DNAH9: variants seen among roughly 807,000 people sequenced by gnomAD.
DNAH9 encodes the protein DNAH9 variant protein.
DNAH9 carries 345 observed loss-of-function variants against 471.6 expected under a neutral mutation model. That is an observed-to-expected ratio of 0.73 (90% CI 0.67 to 0.80). DNAH9 has a LOEUF of 0.80. Ranked by LOEUF, DNAH9 falls within the 30% of genes least tolerant of loss-of-function variation. The pLI, the probability that DNAH9 is intolerant of heterozygous loss-of-function variation, is 0.00. For synonymous variants in DNAH9, 2,093 were observed against 2,123.6 expected (o/e 0.99, Z 0.40); for missense variants, 5,407 against 5,609.2 (o/e 0.96, Z 1.15).
intron 49 of DNAH9, among the ~76,000 whole-genome samples, chr17:11,847,235 T>C (rs145606504): frequency 0.011 from 1,640 of 152,294 alleles, 28 homozygotes; most frequent in African/African-American, 0.037. Context: ...TGTCAATTTT[T>C]GCTTTTGTCA....
intron 68 of DNAH9, among the ~76,000 whole-genome samples, chr17:11,967,634 A>T (rs1266369241): frequency 1.3e-5 from 2 of 152,218 alleles, no homozygotes; most frequent in African/African-American, 4.8e-5. Flanking sequence ...AAAGGCAGAG[A>T]TTAGCTAAAT....
chr17:11,636,844 T>C (rs2073176330), intron 9 of DNAH9, 60 bp downstream of exon 9: 1 of 1,440,972 alleles, frequency 6.9e-7, no homozygotes. Context: ...AAGCAACTCA[T>C]TCCTCTTGTA....
Position 11,891,880 on chromosome 17 carries a change from A to T in DNAH9, c.11216A>T (p.Tyr3739Phe), listed in dbSNP as rs768340720. 4 of 1,614,108 alleles carry T rather than the reference A, an allele frequency of 2.5e-6. No homozygotes were observed. Among genetic ancestry groups the T allele is most frequent in the Non-Finnish European group, 2.5e-6 (3 of 1,180,010 alleles). Residue 3739 changes from tyrosine (Y) to phenylalanine (F), a missense_variant, in exon 58 of 69, where the codon TAC becomes TTC. Around this residue, in one of 3 missense-constraint regions of DNAH9, gnomAD observed 4,636 missense variants for 4,900.3 expected, o/e 0.95. Transcript: ENST00000262442. ...ATAGACAGCATAACCTTCTCTGTGT[A>T]CCAGTACACCATCCGCGGGCTCTTT... is the stretch of plus-strand genomic sequence containing the variant. ...NLIDSITFSVYQYTIRGLFEC... is the reference protein window; with the variant it reads ...NLIDSITFSVFQYTIRGLFEC...
rs550300868 is a variant in DNAH9, at chr17:11,877,473, T to TAAA, written c.10478+2317_10478+2319dup. ...GGGGGACAAGAACGAAAACTCTGTC[T>TAAA]AAAAAAAAAAAAAAAAAAAAAAAAA... On this transcript the variant is annotated intron_variant, in intron 53 of 68. Coordinates refer to ENST00000262442, the MANE Select transcript of DNAH9 (RefSeq NM_001372.4). Among the ~76,000 whole-genome samples the TAAA allele has an allele frequency of 1.6e-3, 108 of 68,630 alleles. 4 individuals are homozygous for TAAA. Among genetic ancestry groups the TAAA allele is most frequent in the Middle Eastern group, 8.1e-3 (1 of 124 alleles). 45.0% of individuals were successfully genotyped at this position (68,630 alleles called of 152,430 possible).
intron 49 of DNAH9, chr17:11,853,187 A>C (rs1971495492): frequency 6.6e-6 from 1 of 151,980 alleles, no homozygotes; most frequent in Non-Finnish European, 1.5e-5. Context: ...AATAAAGTTA[A>C]ACCTATATTC....
At chr17:11,659,078 T>C (rs1211877962) in intron 14 of DNAH9, among the ~76,000 whole-genome samples, 1 of 152,108 alleles carries the variant, frequency 6.6e-6, no homozygotes, top group Non-Finnish European at 1.5e-5. Context: ...CAACCTTAAA[T>C]ATGTGATAGA....
chr17:11,674,694 G>A (rs1030851347), intron 17 of DNAH9, among the ~76,000 whole-genome samples: 1 of 152,046 alleles, frequency 6.6e-6, no homozygotes, highest in Non-Finnish European at 1.5e-5. Flanking sequence ...TAATTTGTGT[G>A]GCCAAATGTG....
Position 11,942,413 on chromosome 17 carries a change from G to A in DNAH9, c.12771G>A (p.Gln4257=), listed in dbSNP as rs1336848935. ...ERTPYIVVAF[Q]ECGRMNILTR... is the part of the protein sequence containing the mutation. The stretch of plus-strand genomic sequence containing the variant: ...CCCCTTACATTGTAGTTGCCTTCCA[G>A]GAGTGTGGCCGGATGAATATCCTCA... Residue 4257 remains glutamine (Q), a synonymous_variant, in exon 67 of 69, where the codon CAG becomes CAA. Transcript: ENST00000262442. The A allele has an allele frequency of 1.2e-6, 2 of 1,614,192 alleles. No homozygotes were observed. Among genetic ancestry groups the A allele is most frequent in the Admixed American group, 3.3e-5 (2 of 60,018 alleles).
At chr17:11,905,894 AT>A in intron 61 of DNAH9, 85 bp downstream of exon 61, 1 of 1,452,760 alleles carries the variant, frequency 6.9e-7, no homozygotes, top group Non-Finnish European at 9.1e-7. Flanking sequence ...TCTTTTCTGG[AT>A]TCAAGCTTCA....
At chr17:11,707,654 C>T (rs754791535) in intron 26 of DNAH9, among the ~76,000 whole-genome samples, 5 of 152,118 alleles carry the variant, frequency 3.3e-5, no homozygotes, top group African/African-American at 1.2e-4. Context: ...CCTTAGAGGG[C>T]ACATCACTGT....
chr17:11,687,310 G>A (rs956899221), intron 19 of DNAH9, among the ~76,000 whole-genome samples: 4 of 152,118 alleles, frequency 2.6e-5, no homozygotes, highest in Non-Finnish European at 5.9e-5. Flanking sequence ...CATAACGAGC[G>A]TCGAAGTTAA....
At chr17:11,766,546 G>C (rs923059369) in intron 36 of DNAH9, among the ~76,000 whole-genome samples, 4 of 152,182 alleles carry the variant, frequency 2.6e-5, no homozygotes, top group African/African-American at 9.7e-5. Context: ...ACCACAGTAT[G>C]CCAGTAAAGT....
chr17:11,727,328 G>GT (rs1163367367), intron 27 of DNAH9, among the ~76,000 whole-genome samples: 3 of 151,900 alleles, frequency 2.0e-5, no homozygotes, highest in Non-Finnish European at 4.4e-5. Context: ...ATGTGTTTTT[G>GT]TTTTTTGGTT....
intron 39 of DNAH9, among the ~76,000 whole-genome samples, chr17:11,782,626 G>T (rs1359798501): frequency 6.6e-6 from 1 of 152,212 alleles, no homozygotes; most frequent in Non-Finnish European, 1.5e-5. Flanking sequence ...GCTGGGTGCA[G>T]TGGCTTATGC....
intron 11 of DNAH9, 116 bp from the exon 12 acceptor site, chr17:11,646,956 C>CCA (rs2073405250): frequency 9.8e-7 from 1 of 1,024,948 alleles, no homozygotes; most frequent in Non-Finnish European, 1.4e-6. Flanking sequence ...AGAAGCTGAC[C>CCA]CAGCCTGGTT....
At chr17:11,753,052 A>G (rs776840670) in intron 33 of DNAH9, 92 bp downstream of exon 33, 61 of 1,067,860 alleles carry the variant, frequency 5.7e-5, no homozygotes, top group Non-Finnish European at 7.9e-5. Context: ...TCTAGATTCC[A>G]CATGATGGCT....
chr17:11,773,123 C>T (rs1245720396), intron 38 of DNAH9, among the ~76,000 whole-genome samples: 2 of 152,184 alleles, frequency 1.3e-5, no homozygotes, highest in African/African-American at 2.4e-5. Flanking sequence ...GACAGCTGCT[C>T]TAGTATCATT....
intron 49 of DNAH9, among the ~76,000 whole-genome samples, chr17:11,840,066 T>C (rs1767284326): frequency 6.6e-6 from 1 of 152,242 alleles, no homozygotes; most frequent in Admixed American, 6.5e-5. Context: ...CTTTTGGGTA[T>C]ATACCCAAGG....
chr17:11,802,900 T>A (rs1969520205), intron 43 of DNAH9, among the ~76,000 whole-genome samples: 1 of 152,198 alleles, frequency 6.6e-6, no homozygotes, highest in Non-Finnish European at 1.5e-5. Context: ...CAGAGCACTG[T>A]GTAGTGGTTA....
Sources: gnomAD v4.1 joint callset for allele counts (sites outside exome capture counted in the v4.1 genomes callset) on GRCh38, gnomAD v4.1.1 for gene constraint, gnomAD v4.1.1 regional missense constraint, MANE v1.5 for transcripts, NCBI Gene and HGNC (gene_info 2026-07-23, HGNC 2026-07-21) for gene names.